ARHGEF4: variants seen among roughly 807,000 people sequenced by gnomAD.
ARHGEF4 encodes APC-stimulated guanine nucleotide exchange factor 1.
ARHGEF4 carries 119 observed loss-of-function variants against 162.0 expected under a neutral mutation model. The ratio of observed to expected loss-of-function variants is 0.73; its 90% CI spans 0.63 to 0.86. The LOEUF (loss-of-function observed/expected upper bound fraction) is 0.86. Ranked by LOEUF, ARHGEF4 falls within the 40% of genes least tolerant of loss-of-function variation. ARHGEF4 has a pLI of 0.00. For missense variants in ARHGEF4, 2,488 were observed against 2,456.0 expected (o/e 1.01, Z -0.28); for synonymous variants, 1,014 against 979.9 (o/e 1.03, Z -0.65).
At chr2:130,964,721 G>T (rs1382346462) in intron 4 of ARHGEF4, among the ~76,000 whole-genome samples, 2 of 152,238 alleles carry the variant, frequency 1.3e-5, no homozygotes, top group East Asian at 1.9e-4. Context: ...CTGTGAGTGC[G>T]CTTGGTCCTG....
chr2:131,045,873 C>A, intron 13 of ARHGEF4, 165 bp from the exon 14 acceptor site: 1 of 1,485,672 alleles, frequency 6.7e-7, no homozygotes, highest in Non-Finnish European at 8.9e-7. Flanking sequence ...GCAGCCTGAG[C>A]TCTTGGATGT....
At position 130,916,218 on chromosome 2, in the gene ARHGEF4, G is replaced by A. The variant is rs1424588078; in HGVS notation, c.2272G>A (p.Gly758Ser). ...ERGPEEAPEG[G>S]AAAARGQRPR... ...TGGCCCGGAGGAGGCCCCCGAAGGC[G>A]GTGCTGCAGCAGCCCGGGGCCAGCG... Residue 758 changes from glycine (G) to serine (S), a missense_variant, in exon 2 of 14, where the codon GGT becomes AGT. By Grantham distance (56) the Gly-to-Ser change is moderately conservative. Transcript: ENST00000409359. The A allele has an allele frequency of 1.6e-5, 25 of 1,543,334 alleles. No individual in the cohort carries two copies. The highest frequency in any genetic ancestry group is 2.2e-5 in the Non-Finnish European group (25 of 1,144,858).
Position 130,870,688 on chromosome 2 carries a change from G to A in ARHGEF4, c.39+33696G>A, listed in dbSNP as rs1235269356. Among the ~76,000 whole-genome samples the A allele has an allele frequency of 8.6e-5, 13 of 151,084 alleles. No homozygotes were observed. In the East Asian group the frequency reaches 2.4e-3, roughly 27 times the overall value. On this transcript the variant is annotated intron_variant, in intron 1 of 13. Coordinates refer to ENST00000409359, the MANE Select transcript of ARHGEF4 (RefSeq NM_001367493.1). ...GGGGAGGGGAAGGGAACTCACTTTG[G>A]GGGTGCTCCTTATGTGCCAGGTATC... is the stretch of plus-strand genomic sequence containing the variant.
rs1269805419 is a variant in ARHGEF4 at position 130,877,195 on chromosome 2, C to G, written c.40-36791C>G. The stretch of plus-strand genomic sequence containing the variant: ...CAGGGGTTCTAGAATAGGCCCAGCT[C>G]AAATGAGTACATAGCTTAGAGAACC... On this transcript the variant is annotated intron_variant, in intron 1 of 13. Coordinates refer to ENST00000409359, the MANE Select transcript of ARHGEF4 (RefSeq NM_001367493.1). Among the ~76,000 whole-genome samples the G allele has an allele frequency of 3.9e-5, 6 of 152,138 alleles. No individual in the cohort carries two copies. The East Asian group carries it at 1.2e-3, about 29-fold the overall frequency.
chr2:130,900,195 G>A (rs1680405048), intron 1 of ARHGEF4, among the ~76,000 whole-genome samples: 1 of 152,146 alleles, frequency 6.6e-6, no homozygotes, highest in East Asian at 1.9e-4. Flanking sequence ...ATATTCTGCT[G>A]ATGTTGAGTG....
chr2:130,996,336 C>T (rs868740776), intron 4 of ARHGEF4, among the ~76,000 whole-genome samples: 19 of 152,316 alleles, frequency 1.2e-4, no homozygotes, highest in Admixed American at 4.6e-4. Context: ...GTAGCCGTCT[C>T]GTGTCTTGAA....
Position 130,908,726 on chromosome 2 carries a change from C to G in ARHGEF4, c.40-5260C>G, listed in dbSNP as rs1003807059. 3.3e-5 allele frequency among the ~76,000 whole-genome samples: 5 copies of G among 151,908 alleles called. No individual in the cohort carries two copies. In the East Asian group the frequency reaches 9.6e-4, roughly 29 times the overall value. ...AAAAAAAGTTTTACTCTTTAAAAGG[C>G]CTTGGTAATAAAATGAAAAGGCAAG... On this transcript the variant is annotated intron_variant, in intron 1 of 13. Transcript: ENST00000409359.
intron 5 of ARHGEF4, among the ~76,000 whole-genome samples, chr2:131,038,225 C>G (rs956601937): frequency 1.3e-5 from 2 of 151,898 alleles, no homozygotes; most frequent in African/African-American, 2.4e-5. Context: ...CAGCCCCCAG[C>G]CCCTCCCTCC....
At chr2:130,902,963 G>A (rs1680580163) in intron 1 of ARHGEF4, among the ~76,000 whole-genome samples, 2 of 152,160 alleles carry the variant, frequency 1.3e-5, no homozygotes, top group African/African-American at 4.8e-5. Context: ...CTGGTGCCCA[G>A]ATTGTGTAAT....
chr2:130,877,805 A>G (rs1395801992), intron 1 of ARHGEF4, among the ~76,000 whole-genome samples: 1 of 152,156 alleles, frequency 6.6e-6, no homozygotes, highest in East Asian at 1.9e-4. Context: ...TTTCACCACT[A>G]TCTGACATGT....
chr2:130,979,895 G>A (rs1686007137), intron 4 of ARHGEF4, among the ~76,000 whole-genome samples: 1 of 151,988 alleles, frequency 6.6e-6, no homozygotes, highest in African/African-American at 2.4e-5. Flanking sequence ...TTTACGCTTT[G>A]ATAGAGAGGA....
chr2:130,930,872 T>A, intron 2 of ARHGEF4, 80 bp from the exon 3 acceptor site: 1 of 1,385,972 alleles, frequency 7.2e-7, no homozygotes, highest in Admixed American at 2.1e-5. Flanking sequence ...CAAAAGGAAC[T>A]AGGCAGAGGA....
At chr2:130,959,971 T>C (rs1684535318) in intron 4 of ARHGEF4, among the ~76,000 whole-genome samples, 1 of 152,210 alleles carries the variant, frequency 6.6e-6, no homozygotes, top group Non-Finnish European at 1.5e-5. Context: ...CAAGCCAGTC[T>C]CAAAAAACAC....
At position 130,973,211 on chromosome 2, in the gene ARHGEF4, G is replaced by A. The variant is rs183946223; in HGVS notation, c.3985+26576G>A. Among the ~76,000 whole-genome samples the A allele has an allele frequency of 2.4e-3, 365 of 152,348 alleles. 2 individuals carry two copies. Among genetic ancestry groups the A allele is most frequent in the African/African-American group, 8.1e-3 (338 of 41,574 alleles). ...TAACATTTAAAAAATAAATGAGGCC[G>A]AATGAGGTGGCTCATGCCTGTAATC... On this transcript the variant is annotated intron_variant, in intron 4 of 13. Coordinates refer to ENST00000409359, the MANE Select transcript of ARHGEF4 (RefSeq NM_001367493.1).
At position 130,842,348 on chromosome 2, in the gene ARHGEF4, A is replaced by G. The variant is rs114263393; in HGVS notation, c.39+5356A>G. Among the ~76,000 whole-genome samples the G allele has an allele frequency of 3.9e-3, 595 of 152,270 alleles. 1 individual carries two copies. The highest frequency in any genetic ancestry group is 5.8e-3 in the Non-Finnish European group (396 of 68,024). On this transcript the variant is annotated intron_variant, in intron 1 of 13. Transcript: ENST00000409359. ...AACAACACATCCTTCTGGCTGTATA[A>G]TGCGCCAGTCTGCAGATTGGTGGAG...
At position 130,867,262 on chromosome 2, in the gene ARHGEF4, C is replaced by T. The variant is rs529506716; in HGVS notation, c.39+30270C>T. Among the ~76,000 whole-genome samples, 35 of 151,036 alleles carry T rather than the reference C, an allele frequency of 2.3e-4. No individual in the cohort carries two copies. The South Asian group carries it at 3.3e-3, about 14-fold the overall frequency. On this transcript the variant is annotated intron_variant, in intron 1 of 13. Coordinates refer to ENST00000409359, the MANE Select transcript of ARHGEF4 (RefSeq NM_001367493.1). The stretch of plus-strand genomic sequence containing the variant: ...TTATTATTTTTTTTTTTTAATGAGA[C>T]GGAGTCTCACTCTATCACCAGGCTG...
At chr2:130,954,364 G>C (rs965367199) in intron 4 of ARHGEF4, among the ~76,000 whole-genome samples, 9 of 152,160 alleles carry the variant, frequency 5.9e-5, no homozygotes, top group African/African-American at 2.2e-4. Context: ...GAGAACACTT[G>C]GACACAGGGC....
intron 4 of ARHGEF4, among the ~76,000 whole-genome samples, chr2:130,985,391 A>G (rs1307455834): frequency 6.6e-6 from 1 of 152,130 alleles, no homozygotes; most frequent in African/African-American, 2.4e-5. Context: ...AAAACCAATC[A>G]CTGAGACAAG....
intron 2 of ARHGEF4, 23 bp downstream of exon 2, chr2:130,917,521 G>T (rs1681576641): frequency 1.3e-6 from 2 of 1,535,142 alleles, no homozygotes; most frequent in Admixed American, 2.0e-5. Flanking sequence ...ATCGCACCAA[G>T]CCTTTCCTGA....
Sources: gnomAD v4.1 joint callset for allele counts (sites outside exome capture counted in the v4.1 genomes callset) on GRCh38, gnomAD v4.1.1 for gene constraint, MANE v1.5 for transcripts, NCBI Gene and HGNC (gene_info 2026-07-23, HGNC 2026-07-21) for gene names.